The following FAM163A variants were observed in gnomAD, a reference collection of about 807,000 sequenced individuals.
The protein encoded by FAM163A is protein FAM163A.
FAM163A carries 7 observed loss-of-function variants against 12.0 expected under a neutral mutation model. The observed-to-expected ratio is 0.58, with a 90% CI of 0.33 to 1.10. FAM163A has a LOEUF of 1.10. FAM163A is among the 50% of genes least tolerant of loss of function. FAM163A has a pLI of 0.03. For synonymous variants in FAM163A, 101 were observed against 91.0 expected (o/e 1.11, Z -0.62); for missense variants, 202 against 218.6 (o/e 0.92, Z 0.48).
intron 3 of FAM163A, among the ~76,000 whole-genome samples, chr1:179,812,808 C>T (rs528948239): frequency 2.6e-5 from 4 of 152,222 alleles, no homozygotes; most frequent in East Asian, 1.9e-4. Context: ...AAGGGTGTGA[C>T]GGGAGAGGAA....
intron 1 of FAM163A, among the ~76,000 whole-genome samples, chr1:179,751,864 T>A (rs1685325326): frequency 6.6e-6 from 1 of 152,182 alleles, no homozygotes; most frequent in Non-Finnish European, 1.5e-5. Flanking sequence ...GATTTAATAT[T>A]TTTATAATGT....
chr1:179,793,419 A>G (rs1691807594), intron 1 of FAM163A, among the ~76,000 whole-genome samples: 1 of 152,164 alleles, frequency 6.6e-6, no homozygotes, highest in Admixed American at 6.5e-5. Context: ...TCATCTATCT[A>G]CCTAGTGACA....
upstream of FAM163A, among the ~76,000 whole-genome samples, chr1:179,738,386 A>AT (rs1371300737): frequency 1.3e-5 from 2 of 152,226 alleles, no homozygotes; most frequent in Non-Finnish European, 2.9e-5. Flanking sequence ...TTACATGTCA[A>AT]TTTAAAATAA....
At chr1:179,777,631 C>T (rs997044035) in intron 1 of FAM163A, among the ~76,000 whole-genome samples, 2 of 152,170 alleles carry the variant, frequency 1.3e-5, no homozygotes, top group Non-Finnish European at 2.9e-5. Context: ...TTCAAAGAGC[C>T]GTACCTGGGT....
chr1:179,812,508 C>T (rs187656331), intron 3 of FAM163A, among the ~76,000 whole-genome samples: 214 of 152,284 alleles, frequency 1.4e-3, no homozygotes, highest in African/African-American at 5.0e-3. Flanking sequence ...TGGCCCTTTC[C>T]CCGCCAGCCC....
intron 3 of FAM163A, 71 bp from the exon 4 acceptor site, chr1:179,813,005 G>A: frequency 7.0e-7 from 1 of 1,438,580 alleles, no homozygotes; most frequent in Non-Finnish European, 9.5e-7. Flanking sequence ...GGCAGTTCCA[G>A]GAAGACTCCC....
chr1:179,803,137 A>G (rs1693422370), intron 1 of FAM163A, among the ~76,000 whole-genome samples: 1 of 152,148 alleles, frequency 6.6e-6, no homozygotes, highest in Non-Finnish European at 1.5e-5. Flanking sequence ...GTCCAGGAAG[A>G]CAGGTAACAG....
intron 1 of FAM163A, among the ~76,000 whole-genome samples, chr1:179,774,395 T>C (rs1222581155): frequency 1.3e-5 from 2 of 152,202 alleles, no homozygotes; most frequent in African/African-American, 4.8e-5. Flanking sequence ...AGTGGTGGGC[T>C]CCAAGGATGA....
intron 1 of FAM163A, among the ~76,000 whole-genome samples, chr1:179,800,060 G>A (rs1692940872): frequency 6.6e-6 from 1 of 152,194 alleles, no homozygotes; most frequent in South Asian, 2.1e-4. Context: ...ACTAGTTCCT[G>A]CATTCGACAG....
chr1:179,814,365 C>A lies in FAM163A; in HGVS notation c.*176C>A. 1.2e-6 allele frequency: 1 copy of A among 837,314 alleles called. No homozygotes were observed. The highest frequency in any genetic ancestry group is 1.7e-5 in the African/African-American group (1 of 57,962). The allele number at this position is 837,314 out of a possible 1,614,324, so 51.9% of individuals were successfully genotyped here. On this transcript the variant is annotated 3_prime_UTR_variant, in exon 5 of 5. Transcript: ENST00000341785. Reference sequence around the variant, plus strand: ...CTTTTGAGTGCATTGAGAACCAAGACAGGGCCTGGCTCCAACTCTGTGGGC... The same window carrying A: ...CTTTTGAGTGCATTGAGAACCAAGAAAGGGCCTGGCTCCAACTCTGTGGGC...
At chr1:179,802,531 A>G (rs532181830) in intron 1 of FAM163A, among the ~76,000 whole-genome samples, 2 of 152,322 alleles carry the variant, frequency 1.3e-5, no homozygotes, top group African/African-American at 4.8e-5. Flanking sequence ...CAGCAACGGT[A>G]ACAAACATCT....
At chr1:179,787,475 G>A (rs1252657032) in intron 1 of FAM163A, among the ~76,000 whole-genome samples, 1 of 152,212 alleles carries the variant, frequency 6.6e-6, no homozygotes, top group Non-Finnish European at 1.5e-5. Context: ...AAATGGTTCT[G>A]TAATCAAATA....
intron 1 of FAM163A, among the ~76,000 whole-genome samples, chr1:179,799,092 C>T (rs1319071871): frequency 2.0e-5 from 3 of 151,616 alleles, no homozygotes; most frequent in Non-Finnish European, 4.4e-5. Context: ...TGGATTTCTT[C>T]CAGTCTGCTG....
intron 1 of FAM163A, among the ~76,000 whole-genome samples, chr1:179,806,767 G>A (rs1403383126): frequency 6.6e-6 from 1 of 152,114 alleles, no homozygotes; most frequent in Non-Finnish European, 1.5e-5. Context: ...CTCAGTGTAG[G>A]GTCCAGACTC....
intron 1 of FAM163A, among the ~76,000 whole-genome samples, chr1:179,761,093 CAT>C (rs34978163): frequency 0.1 from 15,305 of 152,078 alleles, 1,258 homozygotes; most frequent in African/African-American, 0.22. Context: ...GATGTAGAAA[CAT>C]ATTTTACATG....
At position 179,800,635 on chromosome 1, in the gene FAM163A, G is replaced by C. The variant is rs115891246; in HGVS notation, c.-135-7163G>C. ...TTTCTCTCCGCGTCCCCTCCTGTGA[G>C]CTCCTTGAGGGGACTCTGCCTCTCA... is the stretch of plus-strand genomic sequence containing the variant. On this transcript the variant is annotated intron_variant, in intron 1 of 4. Transcript: ENST00000341785. 6.2e-3 allele frequency among the ~76,000 whole-genome samples: 944 copies of C among 152,302 alleles called. 10 individuals are homozygous for C. Among genetic ancestry groups the C allele is most frequent in the African/African-American group, 0.022 (906 of 41,562 alleles).
At chr1:179,773,834 G>A (rs1428352818) in intron 1 of FAM163A, among the ~76,000 whole-genome samples, 4 of 152,260 alleles carry the variant, frequency 2.6e-5, no homozygotes, top group South Asian at 2.1e-4. Flanking sequence ...CCAATGAAAC[G>A]GACATCTTTT....
intron 4 of FAM163A, 34 bp downstream of exon 4, chr1:179,813,224 A>G (rs1414675663): frequency 6.5e-7 from 1 of 1,541,144 alleles, no homozygotes; most frequent in Non-Finnish European, 8.8e-7. Flanking sequence ...AGAGGCTGCC[A>G]GGCCACCAGC....
At position 179,759,269 on chromosome 1, in the gene FAM163A, C is replaced by T. The variant is rs183420003; in HGVS notation, c.-136+15846C>T. Reference sequence around the variant, plus strand: ...GTGTTCAGACATTGCCAATTGTGCCCTTATGGGGGCAAAATCACCTCCCCA... The same window carrying T: ...GTGTTCAGACATTGCCAATTGTGCCTTTATGGGGGCAAAATCACCTCCCCA... On this transcript the variant is annotated intron_variant, in intron 1 of 4. Coordinates refer to ENST00000341785, the MANE Select transcript of FAM163A (RefSeq NM_173509.3). Among the ~76,000 whole-genome samples the T allele has an allele frequency of 6.9e-3, 1,043 of 152,184 alleles. 9 individuals carry two copies. The highest frequency in any genetic ancestry group is 0.011 in the Non-Finnish European group (781 of 68,018).
Sources: gnomAD v4.1 joint callset for allele counts (sites outside exome capture counted in the v4.1 genomes callset) on GRCh38, gnomAD v4.1.1 for gene constraint, MANE v1.5 for transcripts, NCBI Gene and HGNC (gene_info 2026-07-23, HGNC 2026-07-21) for gene names.